CCSER1: variants seen among roughly 807,000 people sequenced by gnomAD.
CCSER1 encodes coiled-coil serine rich protein 1, also known as serine-rich coiled-coil domain-containing protein 1.
CCSER1 carries 41 observed loss-of-function variants against 82.0 expected under a neutral mutation model. That is an observed-to-expected ratio of 0.50 (90% confidence interval 0.39 to 0.65). The LOEUF (loss-of-function observed/expected upper bound fraction) is 0.65. Ranked by LOEUF, CCSER1 falls within the 30% of genes least tolerant of loss-of-function variation. The pLI is 0.00. For missense variants in CCSER1, 1,119 were observed against 1,064.2 expected, an observed-to-expected ratio of 1.05 and a Z score of -0.72; for synonymous variants, 414 against 383.9, an observed-to-expected ratio of 1.08 and a Z score of -0.92.
intron 4 of CCSER1, among the ~76,000 whole-genome samples, chr4:90,449,184 G>A (rs1426424896): frequency 1.3e-5 from 2 of 152,038 alleles, no homozygotes; most frequent in Admixed American, 6.6e-5. Flanking sequence ...TCATCCCAAC[G>A]TCTGCCTAGC....
intron 10 of CCSER1, among the ~76,000 whole-genome samples, chr4:91,223,413 GT>G (rs1467810198): frequency 6.6e-6 from 1 of 152,080 alleles, no homozygotes; most frequent in Non-Finnish European, 1.5e-5. Flanking sequence ...CTAGAAGTCG[GT>G]TTAAAAGGTA....
At chr4:90,239,361 TAGAA>T (rs1578690305) in intron 1 of CCSER1, among the ~76,000 whole-genome samples, 1 of 152,176 alleles carries the variant, frequency 6.6e-6, no homozygotes, top group Non-Finnish European at 1.5e-5. Context: ...ATCTTTGACA[TAGAA>T]AGATCAGCAC....
chr4:90,741,291 G>C (rs542079432), intron 7 of CCSER1, among the ~76,000 whole-genome samples: 1 of 152,234 alleles, frequency 6.6e-6, no homozygotes, highest in East Asian at 1.9e-4. Flanking sequence ...GAGTAGATTG[G>C]CATCACTGAA....
At chr4:90,220,433 C>A (rs1045880563) in intron 1 of CCSER1, among the ~76,000 whole-genome samples, 1 of 151,780 alleles carries the variant, frequency 6.6e-6, no homozygotes, top group South Asian at 2.1e-4. Flanking sequence ...TTTTCCCCTG[C>A]ACATGAATAT....
chr4:90,697,704 T>C (rs1737235358), intron 6 of CCSER1, among the ~76,000 whole-genome samples: 1 of 152,116 alleles, frequency 6.6e-6, no homozygotes, highest in Admixed American at 6.6e-5. Flanking sequence ...TGGCAAATAG[T>C]GACCTGAGAT....
In CCSER1 at chr4:91,033,060, A is replaced by C. The variant is rs1741123382; in HGVS notation, c.2173-52890A>C. 6.9e-5 allele frequency among the ~76,000 whole-genome samples: 3 copies of C among 43,672 alleles called. No individual in the cohort carries two copies. In the South Asian group the frequency reaches 1.2e-3, roughly 18 times the overall value. 28.7% of individuals were successfully genotyped at this position (43,672 alleles called of 152,430 possible). A position where few individuals can be genotyped will look rare whatever the true frequency, so the allele number is the denominator to read the frequency against. The stretch of plus-strand genomic sequence containing the variant: ...TAGGAGAAAATACATACAAATAAAC[A>C]AAAAAAAAACTTTAATTAAGTAAAT... On this transcript the variant is annotated intron_variant, in intron 9 of 10. Transcript: ENST00000509176.
intron 10 of CCSER1, among the ~76,000 whole-genome samples, chr4:91,188,162 G>T (rs1560503989): frequency 6.6e-6 from 1 of 152,020 alleles, no homozygotes; most frequent in Non-Finnish European, 1.5e-5. Context: ...GGTAAACTTT[G>T]CATAAAACTT....
At chr4:91,134,200 C>T (rs1209192579) in intron 10 of CCSER1, among the ~76,000 whole-genome samples, 2 of 152,136 alleles carry the variant, frequency 1.3e-5, no homozygotes, top group African/African-American at 2.4e-5. Flanking sequence ...AGAGACCAGC[C>T]TGGGTAGCAT....
At chr4:91,313,194 A>G (rs1745608649) in intron 10 of CCSER1, among the ~76,000 whole-genome samples, 1 of 151,896 alleles carries the variant, frequency 6.6e-6, no homozygotes, top group Admixed American at 6.6e-5. Context: ...CATATTTTCT[A>G]TGCTAACTTA....
intron 1 of CCSER1, among the ~76,000 whole-genome samples, chr4:90,259,240 C>A (rs1489329446): frequency 6.6e-6 from 1 of 151,962 alleles, no homozygotes; most frequent in Non-Finnish European, 1.5e-5. Context: ...GCAGCTATTG[C>A]AAAAGGGATT....
In CCSER1 at chr4:91,080,174, A is replaced by G. The variant is rs538694384; in HGVS notation, c.2173-5776A>G. Among the ~76,000 whole-genome samples the G allele has an allele frequency of 2.6e-5, 4 of 152,304 alleles. No homozygotes were observed. In the South Asian group the frequency reaches 8.3e-4, roughly 32 times the overall value. ...TTGACCACATAGTCAGAAATAAAGC[A>G]TTCCTCAGCAAATGTAGAAGAACAG... is the stretch of plus-strand genomic sequence containing the variant. On this transcript the variant is annotated intron_variant, in intron 9 of 10. Transcript: ENST00000509176.
intron 4 of CCSER1, among the ~76,000 whole-genome samples, chr4:90,414,935 C>T (rs576323479): frequency 1.3e-5 from 2 of 151,322 alleles, no homozygotes; most frequent in South Asian, 2.1e-4. Context: ...ATGCATCTTG[C>T]AAAATATTTA....
At chr4:90,618,181 A>G (rs1225443639) in intron 5 of CCSER1, among the ~76,000 whole-genome samples, 1 of 152,010 alleles carries the variant, frequency 6.6e-6, no homozygotes, top group Non-Finnish European at 1.5e-5. Flanking sequence ...CAAAGTTGTA[A>G]TCTCAAAGTC....
chr4:91,159,670 G>A (rs1242419619), intron 10 of CCSER1, among the ~76,000 whole-genome samples: 1 of 151,816 alleles, frequency 6.6e-6, no homozygotes, highest in East Asian at 1.9e-4. Flanking sequence ...AGAATGTGCA[G>A]CAGATAATTA....
chr4:90,639,278 C>T (rs541345326), intron 6 of CCSER1, among the ~76,000 whole-genome samples: 1 of 151,226 alleles, frequency 6.6e-6, no homozygotes, highest in African/African-American at 2.4e-5. Context: ...AATATTGAAT[C>T]AATATCAATA....
chr4:90,478,628 T>C (rs1031985383), intron 5 of CCSER1, among the ~76,000 whole-genome samples: 3 of 152,170 alleles, frequency 2.0e-5, no homozygotes, highest in Admixed American at 6.6e-5. Flanking sequence ...TATATGTTGT[T>C]ATTATCTGCA....
chr4:90,432,593 T>C lies in CCSER1; in HGVS notation c.1603+32464T>C, dbSNP rs372703341. On this transcript the variant is annotated intron_variant, in intron 4 of 10. Transcript: ENST00000509176. ...TTCCTTCTTTCCTCTCTCTCTCTCT[T>C]TCTTTCTTTCTTTCTCTCTTTCTTT... Among the ~76,000 whole-genome samples the C allele has an allele frequency of 2.1e-4, 32 of 151,710 alleles. No homozygotes were observed. In the East Asian group the frequency reaches 2.9e-3, roughly 14 times the overall value.
At chr4:90,199,773 CAT>C (rs1737301045) in intron 1 of CCSER1, among the ~76,000 whole-genome samples, 3 of 151,992 alleles carry the variant, frequency 2.0e-5, no homozygotes, top group Admixed American at 2.0e-4. Flanking sequence ...TTTTCACACT[CAT>C]GTATGGTAAT....
intron 9 of CCSER1, among the ~76,000 whole-genome samples, chr4:90,995,562 G>T (rs1296854997): frequency 6.6e-6 from 1 of 152,014 alleles, no homozygotes; most frequent in Non-Finnish European, 1.5e-5. Flanking sequence ...GCATATAGAA[G>T]TAAGCAGCTA....
Sources: allele counts gnomAD v4.1 joint callset (sites outside exome capture counted in the v4.1 genomes callset), GRCh38; gene constraint gnomAD v4.1.1; transcripts MANE v1.5; gene names NCBI Gene and HGNC (gene_info 2026-07-23, HGNC 2026-07-21).